The following CHRM5 variants were observed in gnomAD, a reference collection of about 807,000 sequenced individuals.
The protein encoded by CHRM5 is cholinergic receptor muscarinic 5, also known as muscarinic acetylcholine receptor M5.
CHRM5 carries 18 observed loss-of-function variants against 39.0 expected under a neutral mutation model. The observed-to-expected ratio is 0.46, with a 90% CI of 0.32 to 0.68. CHRM5 has a LOEUF of 0.68. Ranked by LOEUF, CHRM5 falls within the 30% of genes least tolerant of loss-of-function variation. The probability of loss-of-function intolerance (pLI) is 0.04; values close to 1 mark genes in which losing one functional copy is unlikely to be tolerated. For synonymous variants in CHRM5, 241 were observed against 246.3 expected (o/e 0.98, Z 0.20); for missense variants, 515 against 651.1 (o/e 0.79, Z 2.28).
intron 1 of CHRM5, among the ~76,000 whole-genome samples, chr15:33,988,354 C>T (rs1896567913): frequency 6.6e-6 from 1 of 152,182 alleles, no homozygotes; most frequent in South Asian, 2.1e-4. Context: ...CCTGATTCTG[C>T]TACCTAAGAG....
In CHRM5 at chr15:34,063,740, G is replaced by C. The variant is rs1385024940; in HGVS notation, c.1023G>C (p.Glu341Asp). The change falls in exon 3 of 3, where the codon GAG (glutamate) becomes GAC (aspartate). Residue 341 changes from glutamate to aspartate, a missense_variant. Transcript: ENST00000383263. This position sits in a 1 kb window ranked among gnomAD's most constrained non-coding sequence, Gnocchi z 4.1. ...ESPGEEFSAEETEETFVKAET... is the reference protein window; with the variant it reads ...ESPGEEFSAEDTEETFVKAET... Reference sequence around the variant, plus strand: ...CAGGGGAAGAATTCAGTGCTGAAGAGACTGAGGAAACTTTTGTGAAAGCTG... The same window carrying C: ...CAGGGGAAGAATTCAGTGCTGAAGACACTGAGGAAACTTTTGTGAAAGCTG... 1.9e-6 allele frequency: 3 copies of C among 1,614,226 alleles called. No individual in the cohort carries two copies. The highest frequency in any genetic ancestry group is 2.5e-6 in the Non-Finnish European group (3 of 1,180,052).
At chr15:34,019,740 G>A (rs1333540825) in intron 1 of CHRM5, among the ~76,000 whole-genome samples, 2 of 152,100 alleles carry the variant, frequency 1.3e-5, no homozygotes, top group Non-Finnish European at 2.9e-5. Context: ...TGTAGCCCAG[G>A]AGCAATATGT....
rs759675263 is a variant in CHRM5, at chr15:34,067,327, T to C, written c.*3011T>C. 5.3e-5 allele frequency: 8 copies of C among 152,240 alleles called. No homozygotes were observed. Among genetic ancestry groups the C allele is most frequent in the Non-Finnish European group, 8.8e-5 (6 of 68,042 alleles). The allele number at this position is 152,240 out of a possible 1,614,324, so 9.4% of individuals were successfully genotyped here. ...CAGCTCTTTGTAATTGTGAAATCTG[T>C]ACCCAAACCTCTGGATTAGAATCTC... is the stretch of plus-strand genomic sequence containing the variant. On this transcript the variant is annotated 3_prime_UTR_variant, in exon 3 of 3. Transcript: ENST00000383263.
At position 34,043,906 on chromosome 15, in the gene CHRM5, A is replaced by G. The variant is rs1899583366; in HGVS notation, c.-407-2634A>G. ...ATTGTCTGCCTTCCTTCCTGTTAGT[A>G]TAGAGGGGTCTCTGTCCCAGTCCAA... On this transcript the variant is annotated intron_variant, in intron 1 of 2. Transcript: ENST00000383263. Among the ~76,000 whole-genome samples, 5 of 152,214 alleles carry G rather than the reference A, an allele frequency of 3.3e-5. No homozygotes were observed. In the South Asian group the frequency reaches 8.3e-4, roughly 25 times the overall value.
chr15:34,024,472 C>CAAAAA (rs10531898), intron 1 of CHRM5, among the ~76,000 whole-genome samples: 1 of 101,944 alleles, frequency 9.8e-6, no homozygotes, highest in Non-Finnish European at 2.0e-5. Context: ...GACCCTGTCT[C>CAAAAA]AAAAAAAAAA....
intron 1 of CHRM5, among the ~76,000 whole-genome samples, chr15:34,025,299 G>A (rs2140734505): frequency 6.6e-6 from 1 of 152,290 alleles, no homozygotes; most frequent in South Asian, 2.1e-4. Context: ...GGCTAATTTA[G>A]GTAGAAAAGG....
intron 1 of CHRM5, among the ~76,000 whole-genome samples, chr15:34,028,757 T>A (rs959066695): frequency 6.6e-6 from 1 of 152,036 alleles, no homozygotes; most frequent in African/African-American, 2.4e-5. Context: ...TTCAGTAACT[T>A]TCCTGAGATT....
At chr15:34,028,420 C>A (rs1006664423) in intron 1 of CHRM5, among the ~76,000 whole-genome samples, 2 of 152,030 alleles carry the variant, frequency 1.3e-5, no homozygotes, top group Non-Finnish European at 2.9e-5. Context: ...AAAAATTAGC[C>A]AAGCATGGTG....
At chr15:33,994,225 C>A (rs1229573115) in intron 1 of CHRM5, among the ~76,000 whole-genome samples, 2 of 152,212 alleles carry the variant, frequency 1.3e-5, no homozygotes, top group Non-Finnish European at 2.9e-5. Context: ...GTCAGATCAG[C>A]AGCAGCATTC....
chr15:34,042,396 GTTTT>G (rs35456951), intron 1 of CHRM5, among the ~76,000 whole-genome samples: 210 of 130,370 alleles, frequency 1.6e-3, no homozygotes, highest in African/African-American at 6.1e-3. Context: ...CATGACCTAA[GTTTT>G]TTTTTTTTTT....
intron 1 of CHRM5, among the ~76,000 whole-genome samples, chr15:33,996,656 T>A (rs1009572145): frequency 6.6e-6 from 1 of 152,106 alleles, no homozygotes; most frequent in Non-Finnish European, 1.5e-5. Context: ...AGGAATAGCA[T>A]CAACATCAAC....
At chr15:34,016,039 G>A (rs2140686925) in intron 1 of CHRM5, among the ~76,000 whole-genome samples, 2 of 152,302 alleles carry the variant, frequency 1.3e-5, no homozygotes, top group Non-Finnish European at 2.9e-5. Context: ...CACTTTGGGA[G>A]GCCAAGGTGG....
At chr15:34,062,530 G>A (rs1246062092) in intron 2 of CHRM5, 113 bp from the exon 3 acceptor site, 1 of 578,294 alleles carries the variant, frequency 1.7e-6, no homozygotes, top group Non-Finnish European at 2.9e-6. Context: ...ACTCCAGCCT[G>A]GGTGACAAAG....
intron 1 of CHRM5, among the ~76,000 whole-genome samples, chr15:34,000,825 C>T (rs1897109615): frequency 6.6e-6 from 1 of 152,076 alleles, no homozygotes; most frequent in African/African-American, 2.4e-5. Context: ...AAAGACAAGA[C>T]AGCTGCAATT....
chr15:34,055,517 A>G (rs1486896763), intron 2 of CHRM5, among the ~76,000 whole-genome samples: 2 of 151,566 alleles, frequency 1.3e-5, no homozygotes, highest in Admixed American at 6.6e-5. Context: ...AAAAATAAAT[A>G]TAGGCTGGGC....
At chr15:34,007,372 C>T (rs1392242489) in intron 1 of CHRM5, among the ~76,000 whole-genome samples, 1 of 152,184 alleles carries the variant, frequency 6.6e-6, no homozygotes, top group Non-Finnish European at 1.5e-5. Flanking sequence ...AACAGAAGAG[C>T]CGACGGCCCC....
intron 1 of CHRM5, among the ~76,000 whole-genome samples, chr15:34,014,948 G>A (rs1457162855): frequency 2.6e-5 from 4 of 152,116 alleles, no homozygotes; most frequent in Non-Finnish European, 4.4e-5. Flanking sequence ...AGATACAGGG[G>A]GTGAGGGGTG....
In CHRM5 at chr15:34,046,714, A is replaced by T. The variant is rs1899698634; in HGVS notation, c.-233A>T. 6.6e-6 allele frequency: 1 copy of T among 152,250 alleles called. No individual in the cohort carries two copies. Among genetic ancestry groups the T allele is most frequent in the Admixed American group, 6.5e-5 (1 of 15,288 alleles). The allele number at this position is 152,250 out of a possible 1,614,324, so 9.4% of individuals were successfully genotyped here. On this transcript the variant is annotated 5_prime_UTR_variant, in exon 2 of 3. An upstream open reading frame in the 5' UTR loses its in-frame stop. Transcript: ENST00000383263. ...TGCAAAGGAATGAAAGGTGTGAGTG[A>T]ATACAGCGCCTTCAACTGAAATATC...
intron 1 of CHRM5, among the ~76,000 whole-genome samples, chr15:34,015,822 CAA>C (rs1163708097): frequency 6.6e-6 from 1 of 152,106 alleles, no homozygotes; most frequent in East Asian, 1.9e-4. Context: ...TATTTTATTT[CAA>C]AGATAAAATG....
Sources: allele counts gnomAD v4.1 joint callset (sites outside exome capture counted in the v4.1 genomes callset), GRCh38; gene constraint gnomAD v4.1.1; non-coding constraint Gnocchi (gnomAD v3.1); transcripts MANE v1.5; gene names NCBI Gene and HGNC (gene_info 2026-07-23, HGNC 2026-07-21).